CCT5: variants seen among roughly 807,000 people sequenced by gnomAD.
The protein encoded by CCT5 is chaperonin containing TCP1 subunit 5, also known as T-complex protein 1 subunit epsilon.
A neutral mutation model predicts 55.0 loss-of-function variants in CCT5; 6 were observed. The ratio of observed to expected loss-of-function variants is 0.11; its 90% CI spans 0.06 to 0.22. The LOEUF (loss-of-function observed/expected upper bound fraction) is 0.22. Ranked by LOEUF, CCT5 falls within the 10% of genes least tolerant of loss-of-function variation. The pLI, the probability that CCT5 is intolerant of heterozygous loss-of-function variation, is 1.00. For synonymous variants in CCT5, 231 were observed against 243.7 expected (o/e 0.95, Z 0.49); for missense variants, 560 against 694.6 (o/e 0.81, Z 2.18).
intron 10 of CCT5, among the ~76,000 whole-genome samples, chr5:10,263,597 T>C (rs1746086654): frequency 6.6e-6 from 1 of 152,220 alleles, no homozygotes; most frequent in Admixed American, 6.5e-5. Flanking sequence ...TAATGCCTTA[T>C]TGCTGTTTTT....
chr5:10,252,669 C>T (rs1419219114), intron 1 of CCT5, among the ~76,000 whole-genome samples: 1 of 148,992 alleles, frequency 6.7e-6, no homozygotes, highest in East Asian at 2.0e-4. Context: ...GAATCATATT[C>T]TAAAATCCTG....
rs763488289 is a variant in CCT5 at position 10,263,247 on chromosome 5, C to T, written c.1431C>T (p.Val477=). ...GMNPIQTMTE[V]RARQVKEMNP... ...ATCCCATCCAGACTATGACCGAAGTCCGAGCCAGACAGGTGAAGGAGATGA... is the reference window on the plus strand; with the variant it reads ...ATCCCATCCAGACTATGACCGAAGTTCGAGCCAGACAGGTGAAGGAGATGA... Residue 477 remains valine, a synonymous_variant, in exon 10 of 11, where the codon GTC becomes GTT. Coordinates refer to ENST00000280326, the MANE Select transcript of CCT5 (RefSeq NM_012073.5). 3.7e-6 allele frequency: 6 copies of T among 1,614,058 alleles called. No individual in the cohort carries two copies. The African/African-American group carries it at 8.0e-5, about 22-fold the overall frequency.
Position 10,262,417 on chromosome 5 carries a change from G to A in CCT5, c.1180-64G>A, listed in dbSNP as rs1035006081. 6.9e-6 allele frequency: 11 copies of A among 1,587,030 alleles called. 1 individual carries two copies. In the South Asian group the frequency reaches 1.1e-4, roughly 16 times the overall value. ...CCTCTCTGTCTTTAAAAAGGTGCCAGATACTTGGCTCTAAATTGACTAGAT... is the reference window on the plus strand; with the variant it reads ...CCTCTCTGTCTTTAAAAAGGTGCCAAATACTTGGCTCTAAATTGACTAGAT... On this transcript the variant is annotated intron_variant, in intron 8 of 10. Transcript: ENST00000280326.
intron 3 of CCT5, chr5:10,255,074 C>T: frequency 1.9e-6 from 1 of 534,816 alleles, no homozygotes. Context: ...TGATTGGACA[C>T]TGATTTTGCT....
At chr5:10,250,671 G>C in intron 1 of CCT5, 1 of 1,405,142 alleles carries the variant, frequency 7.1e-7, no homozygotes, top group East Asian at 2.6e-5. Flanking sequence ...TGGGCCGCCA[G>C]CGCCCTTCGG....
chr5:10,261,042 A>C, intron 7 of CCT5, 131 bp downstream of exon 7: 1 of 908,910 alleles, frequency 1.1e-6, no homozygotes, highest in Non-Finnish European at 1.8e-6. Context: ...GTGAGCTGGG[A>C]GAGAGGAAAG....
chr5:10,262,594 G>T lies in CCT5; in HGVS notation c.1293G>T (p.Leu431=). Residue 431 remains leucine (L), a synonymous_variant, in exon 9 of 11, where the codon CTG becomes CTT. Transcript: ENST00000280326. ...GGGCTGCTGAGATATCCTGTGCCCT[G>T]GCAGTTAGCCAAGAGGCGGATAAGG... ...GGGAAEISCA[L]AVSQEADKCP... is the part of the protein sequence containing the mutation. 6.2e-7 allele frequency: 1 copy of T among 1,614,230 alleles called. No individual in the cohort carries two copies. Among genetic ancestry groups the T allele is most frequent in the Non-Finnish European group, 8.5e-7 (1 of 1,180,038 alleles).
Position 10,250,722 on chromosome 5 carries a change from A to G in CCT5, c.105+277A>G, listed in dbSNP as rs536863091. On this transcript the variant is annotated intron_variant, in intron 1 of 10. Coordinates refer to ENST00000280326, the MANE Select transcript of CCT5 (RefSeq NM_012073.5). ...CTCAGTCCGGTCGCCCGCGGGAGCA[A>G]AGCGGGACCGCCTCCCCGCCCGGCT... is the stretch of plus-strand genomic sequence containing the variant. 5.7e-5 allele frequency: 73 copies of G among 1,277,808 alleles called. 3 individuals carry two copies. The Admixed American group carries it at 2.1e-3, about 37-fold the overall frequency. The allele number at this position is 1,277,808 out of a possible 1,614,324, so 79.2% of individuals were successfully genotyped here. A position where few individuals can be genotyped will look rare whatever the true frequency, so the allele number is the denominator to read the frequency against.
rs948289085 is a variant in CCT5, at chr5:10,265,291, C to T, written c.*508C>T. 20 of 172,252 alleles carry T rather than the reference C, an allele frequency of 1.2e-4. No homozygotes were observed. The highest frequency in any genetic ancestry group is 2.5e-4 in the Non-Finnish European group (20 of 80,042). The allele number at this position is 172,252 out of a possible 1,614,324, so 10.7% of individuals were successfully genotyped here. On this transcript the variant is annotated 3_prime_UTR_variant, in exon 11 of 11. Transcript: ENST00000280326. Reference sequence around the variant, plus strand: ...GTTACTAGGTTGCTCACAGCCTAACCTGGCGTGTTGTTTAGGGCTGATGGA... The same window carrying T: ...GTTACTAGGTTGCTCACAGCCTAACTTGGCGTGTTGTTTAGGGCTGATGGA...
At chr5:10,257,489 T>G (rs1196400471) in intron 4 of CCT5, among the ~76,000 whole-genome samples, 1 of 152,268 alleles carries the variant, frequency 6.6e-6, no homozygotes, top group South Asian at 2.1e-4. Context: ...ATAGATAACC[T>G]GTGATTTCAG....
rs1425976825 is a variant in CCT5 at position 10,265,712 on chromosome 5, AAGT to A, written c.*935_*937del. 2 of 152,142 alleles carry A rather than the reference AAGT, an allele frequency of 1.3e-5. No individual in the cohort carries two copies. Among genetic ancestry groups the A allele is most frequent in the African/African-American group, 2.4e-5 (1 of 41,432 alleles). 9.4% of individuals were successfully genotyped at this position (152,142 alleles called of 1,614,324 possible). On this transcript the variant is annotated 3_prime_UTR_variant, in exon 11 of 11. Coordinates refer to ENST00000280326, the MANE Select transcript of CCT5 (RefSeq NM_012073.5). ...AATTGGCCAGCATCTCACCACCAGCAAGTAGTAGGGCCAGGTCAATCCCAGGCA... is the reference window on the plus strand; with the variant it reads ...AATTGGCCAGCATCTCACCACCAGCAAGTAGGGCCAGGTCAATCCCAGGCA...
intron 1 of CCT5, among the ~76,000 whole-genome samples, chr5:10,253,617 T>C (rs924834709): frequency 1.2e-4 from 18 of 152,200 alleles, no homozygotes; most frequent in African/African-American, 4.3e-4. Context: ...ACAGTTGGAC[T>C]GTTTCTCATG....
Position 10,262,630 on chromosome 5 carries a change from G to T in CCT5, c.1317+12G>T. The stretch of plus-strand genomic sequence containing the variant: ...AAGAGGCGGATAAGGTAAGGGATCT[G>T]TGCAGACTTAGTGAAAGATTCAGGC... On this transcript the variant is annotated intron_variant, in intron 9 of 10. Transcript: ENST00000280326. 6.2e-7 allele frequency: 1 copy of T among 1,613,946 alleles called. No individual in the cohort carries two copies. The highest frequency in any genetic ancestry group is 8.5e-7 in the Non-Finnish European group (1 of 1,179,924).
At chr5:10,257,187 G>C (rs1350563957) in intron 4 of CCT5, among the ~76,000 whole-genome samples, 1 of 152,178 alleles carries the variant, frequency 6.6e-6, no homozygotes, top group African/African-American at 2.4e-5. Flanking sequence ...TGCTTCTGTT[G>C]CCTTTTCCCC....
At chr5:10,250,704 C>G (rs1356595846) in intron 1 of CCT5, 5 of 1,320,760 alleles carry the variant, frequency 3.8e-6, no homozygotes, top group Non-Finnish European at 4.8e-6. Context: ...CCGCTCAGTC[C>G]GGTCGCCCGC....
At chr5:10,262,012 A>T (rs970054240) in intron 8 of CCT5, 1 of 443,030 alleles carries the variant, frequency 2.3e-6, no homozygotes, top group African/African-American at 2.0e-5. Flanking sequence ...CACAGTTTAA[A>T]TATTCAAGTC....
At chr5:10,254,565 G>T in intron 2 of CCT5, 109 bp from the exon 3 acceptor site, 11 of 938,114 alleles carry the variant, frequency 1.2e-5, no homozygotes, top group Non-Finnish European at 1.7e-5. Flanking sequence ...TGCATTATTT[G>T]TATATAATAA....
intron 1 of CCT5, among the ~76,000 whole-genome samples, chr5:10,253,047 C>G (rs546904683): frequency 2.0e-5 from 3 of 152,202 alleles, no homozygotes; most frequent in Admixed American, 6.5e-5. Context: ...CAGTTTCAGC[C>G]GGGCGTGGTT....
Position 10,263,290 on chromosome 5 carries a change from G to A in CCT5, c.1474G>A (p.Asp492Asn), listed in dbSNP as rs749250007. 30 of 1,606,600 alleles carry A rather than the reference G, an allele frequency of 1.9e-5. No homozygotes were observed. In the South Asian group the frequency reaches 1.9e-4, roughly 10 times the overall value. ...GGAGATGAACCCTGCTCTTGGCATC[G>A]ACTGTTTGCACAAGGGGACAAATGG... is the stretch of plus-strand genomic sequence containing the variant. ...VKEMNPALGI[D>N]CLHKGTNDMK... Residue 492 changes from aspartate (D) to asparagine (N), a missense_variant, in exon 10 of 11, where the codon GAC becomes AAC. Physicochemically the swap from Asp to Asn is conservative, Grantham distance 23 (BLOSUM62 1). Around this residue, in one of 4 missense-constraint regions of CCT5, gnomAD observed 115 missense variants for 105.0 expected, o/e 1.10. Coordinates refer to ENST00000280326, the MANE Select transcript of CCT5 (RefSeq NM_012073.5).
Sources: allele counts gnomAD v4.1 joint callset (sites outside exome capture counted in the v4.1 genomes callset), GRCh38; gene constraint gnomAD v4.1.1; regional missense constraint gnomAD v4.1.1; transcripts MANE v1.5; gene names NCBI Gene and HGNC (gene_info 2026-07-23, HGNC 2026-07-21).